PCDH15: variants seen among roughly 807,000 people sequenced by gnomAD.
PCDH15 encodes protocadherin related 15.
Under a neutral mutation model 178.5 loss-of-function variants are expected in PCDH15, and 129 were observed. The ratio of observed to expected loss-of-function variants is 0.72; its 90% confidence interval spans 0.63 to 0.84. PCDH15 has a LOEUF of 0.84. Ranked by LOEUF, PCDH15 falls within the 40% of genes least tolerant of loss-of-function variation. The pLI is 0.00. For synonymous variants in PCDH15, 800 were observed against 732.0 expected, an observed-to-expected ratio of 1.09 and a Z score of -1.50; for missense variants, 2,230 against 2,099.9, an observed-to-expected ratio of 1.06 and a Z score of -1.21.
At chr10:54,480,242 G>A (rs762311428) in intron 3 of PCDH15, among the ~76,000 whole-genome samples, 9 of 152,054 alleles carry the variant, frequency 5.9e-5, no homozygotes, top group Non-Finnish European at 1.3e-4. Flanking sequence ...GTAATGAGCT[G>A]CTTTTAGAAT....
chr10:55,562,239 A>T (rs543497121), intron 2 of PCDH15, among the ~76,000 whole-genome samples: 1 of 152,080 alleles, frequency 6.6e-6, no homozygotes, highest in South Asian at 2.1e-4. Context: ...TTGGAATACC[A>T]TTGTTGTCCC....
chr10:54,629,862 C>G lies in PCDH15; in HGVS notation c.91+34310G>C, dbSNP rs370614040. Among the ~76,000 whole-genome samples, 13 of 152,208 alleles carry G rather than the reference C, an allele frequency of 8.5e-5. No homozygotes were observed. In the East Asian group the frequency reaches 9.7e-4, roughly 11 times the overall value. ...AAACTGTAAAGACTCTTTGAAAAGG[C>G]CCCTAGAATTGATTAGCAACTGCAG... On this transcript the variant is annotated intron_variant, in intron 2 of 37. Transcript: ENST00000644397.
intron 1 of PCDH15, among the ~76,000 whole-genome samples, chr10:55,308,761 T>C (rs1843496307): frequency 6.6e-6 from 1 of 152,158 alleles, no homozygotes. Context: ...GTAGTTTTCC[T>C]TAAACAGCAA....
At chr10:55,400,856 T>C (rs545661370) in intron 2 of PCDH15, among the ~76,000 whole-genome samples, 3 of 152,094 alleles carry the variant, frequency 2.0e-5, no homozygotes, top group African/African-American at 4.8e-5. Flanking sequence ...ACCACAACCA[T>C]GTGCACTATG....
At chr10:55,296,703 G>T (rs551637885) in intron 1 of PCDH15, among the ~76,000 whole-genome samples, 1 of 152,152 alleles carries the variant, frequency 6.6e-6, no homozygotes, top group African/African-American at 2.4e-5. Flanking sequence ...CATTGAAAAC[G>T]GACCTGCTTT....
At chr10:54,071,084 C>T (rs1034656626) in intron 17 of PCDH15, among the ~76,000 whole-genome samples, 4 of 152,100 alleles carry the variant, frequency 2.6e-5, no homozygotes, top group African/African-American at 7.2e-5. Context: ...AATGACATGG[C>T]AAAATAATTA....
At chr10:55,247,485 T>C (rs1339202840) in intron 1 of PCDH15, among the ~76,000 whole-genome samples, 1 of 152,196 alleles carries the variant, frequency 6.6e-6, no homozygotes, top group East Asian at 1.9e-4. Flanking sequence ...ATGTTATTTT[T>C]TGGGCTGGAG....
At chr10:54,586,046 TTTTCC>T (rs1474390686) in intron 2 of PCDH15, among the ~76,000 whole-genome samples, 2 of 152,154 alleles carry the variant, frequency 1.3e-5, no homozygotes, top group Non-Finnish European at 2.9e-5. Flanking sequence ...ACTCCCAGTA[TTTTCC>T]TTTAAGATTA....
chr10:55,552,764 G>A (rs1434040101), intron 2 of PCDH15, among the ~76,000 whole-genome samples: 6 of 151,296 alleles, frequency 4.0e-5, no homozygotes, highest in Non-Finnish European at 7.4e-5. Flanking sequence ...AAACATAATG[G>A]CTTTTATTAT....
intron 2 of PCDH15, among the ~76,000 whole-genome samples, chr10:55,589,783 G>A (rs1165145541): frequency 1.3e-5 from 2 of 149,650 alleles, no homozygotes; most frequent in African/African-American, 4.9e-5. Context: ...ACACCAGTTA[G>A]AATGGCAATC....
chr10:54,452,774 T>C (rs966723153), intron 3 of PCDH15, among the ~76,000 whole-genome samples: 1 of 152,086 alleles, frequency 6.6e-6, no homozygotes, highest in Non-Finnish European at 1.5e-5. Context: ...CCATCTCTTT[T>C]GTTGGAACTC....
At chr10:54,957,315 A>G (rs1428541202) in intron 2 of PCDH15, among the ~76,000 whole-genome samples, 1 of 151,668 alleles carries the variant, frequency 6.6e-6, no homozygotes, top group Non-Finnish European at 1.5e-5. Flanking sequence ...GGATAATGCA[A>G]GCAGAAATTG....
At chr10:55,128,330 C>T (rs536058404) in intron 2 of PCDH15, among the ~76,000 whole-genome samples, 1 of 151,780 alleles carries the variant, frequency 6.6e-6, no homozygotes, top group Non-Finnish European at 1.5e-5. Flanking sequence ...GCTTATGGGT[C>T]TTACTCTCTT....
chr10:54,635,721 TCTG>T (rs1481761778), intron 2 of PCDH15, among the ~76,000 whole-genome samples: 1 of 151,892 alleles, frequency 6.6e-6, no homozygotes, highest in African/African-American at 2.4e-5. Context: ...TCCAAATTGT[TCTG>T]CTATTATACT....
chr10:54,680,609 G>A (rs1006468811), intron 1 of PCDH15, among the ~76,000 whole-genome samples: 1 of 152,052 alleles, frequency 6.6e-6, no homozygotes, highest in Admixed American at 6.6e-5. Context: ...TCAAGGGTGG[G>A]GCCAGGTGAA....
intron 8 of PCDH15, among the ~76,000 whole-genome samples, chr10:54,271,412 A>T (rs2058042181): frequency 6.6e-6 from 1 of 151,904 alleles, no homozygotes; most frequent in Non-Finnish European, 1.5e-5. Context: ...GTGTCACCAA[A>T]TTGGCGAGGC....
intron 13 of PCDH15, among the ~76,000 whole-genome samples, chr10:54,154,339 T>C (rs1452811716): frequency 6.6e-6 from 1 of 152,138 alleles, no homozygotes; most frequent in Non-Finnish European, 1.5e-5. Context: ...AAAAGTTTTC[T>C]GTGGAATAAA....
intron 2 of PCDH15, among the ~76,000 whole-genome samples, chr10:55,578,321 G>A (rs915856454): frequency 6.6e-6 from 1 of 152,154 alleles, no homozygotes; most frequent in African/African-American, 2.4e-5. Context: ...GGGTTCAAGT[G>A]ATTCTCCTGC....
chr10:54,244,146 T>G (rs181887195), intron 8 of PCDH15, among the ~76,000 whole-genome samples: 2 of 152,288 alleles, frequency 1.3e-5, no homozygotes, highest in Admixed American at 6.5e-5. Flanking sequence ...ATTATTTCCA[T>G]GAGCAAATTT....
Sources: allele counts gnomAD v4.1 joint callset (sites outside exome capture counted in the v4.1 genomes callset), GRCh38; gene constraint gnomAD v4.1.1; transcripts MANE v1.5; gene names NCBI Gene and HGNC (gene_info 2026-07-23, HGNC 2026-07-21).